ERRFI1: variants seen among roughly 807,000 people sequenced by gnomAD.
The protein encoded by ERRFI1 is mitogen-inducible gene 6 protein.
Under a neutral mutation model 14.6 loss-of-function variants are expected in ERRFI1, and 12 were observed. The ratio of observed to expected loss-of-function variants is 0.82; its 90% confidence interval spans 0.53 to 1.33. ERRFI1 has a LOEUF of 1.33. Ranked by LOEUF, ERRFI1 falls within the 40% of genes most tolerant of loss-of-function variation. The probability of loss-of-function intolerance (pLI) is 0.00; values close to 1 mark genes in which losing one functional copy is unlikely to be tolerated. For missense variants in ERRFI1, 482 were observed against 572.1 expected, an observed-to-expected ratio of 0.84 and a Z score of 1.61; for synonymous variants, 202 against 209.9, an observed-to-expected ratio of 0.96 and a Z score of 0.32.
Position 8,014,349 on chromosome 1 carries a change from T to C in ERRFI1, c.250A>G (p.Asn84Asp). Residue 84 changes from asparagine to aspartate, a missense_variant, in exon 4 of 4, where the codon AAT becomes GAT. Physicochemically the swap from Asn to Asp is conservative, Grantham distance 23 (BLOSUM62 1). Transcript: ENST00000377482. The stretch of plus-strand genomic sequence containing the variant: ...AAGCTGGACTTTTGAGATGGACCAT[T>C]TTCTGCAAAGCAGTGGCCATTCATC... ...APMNGHCFAE[N>D]GPSQKSSLPP... is the part of the protein sequence containing the mutation. 6.2e-7 allele frequency: 1 copy of C among 1,608,070 alleles called. No homozygotes were observed. Among genetic ancestry groups the C allele is most frequent in the Non-Finnish European group, 8.5e-7 (1 of 1,176,682 alleles).
chr1:8,012,867 C>T lies in ERRFI1; in HGVS notation c.*343G>A, dbSNP rs1331313135. 4.1e-5 allele frequency: 12 copies of T among 291,076 alleles called. No homozygotes were observed. The highest frequency in any genetic ancestry group is 1.7e-4 in the African/African-American group (8 of 47,058). The allele number at this position is 291,076 out of a possible 1,614,324, so 18.0% of individuals were successfully genotyped here. A position where few individuals can be genotyped will look rare whatever the true frequency, so the allele number is the denominator to read the frequency against. ...ATTATTCTGAATATATATTACTCTA[C>T]GATAGTAACTAATTGGTTAACCTGC... On this transcript the variant is annotated 3_prime_UTR_variant, in exon 4 of 4. Coordinates refer to ENST00000377482, the MANE Select transcript of ERRFI1 (RefSeq NM_018948.4).
At chr1:8,022,885 CT>C (rs1641292517) in intron 1 of ERRFI1, among the ~76,000 whole-genome samples, 2 of 152,128 alleles carry the variant, frequency 1.3e-5, no homozygotes. Context: ...TGGCTGCTGC[CT>C]GAAGAAGCCT....
Position 8,015,400 on chromosome 1 carries a change from G to A in ERRFI1, c.126-16C>T, listed in dbSNP as rs1217009914. The A allele has an allele frequency of 6.2e-7, 1 of 1,613,756 alleles. No individual in the cohort carries two copies. The highest frequency in any genetic ancestry group is 1.3e-5 in the African/African-American group (1 of 75,002). On this transcript the variant is annotated splice_polypyrimidine_tract_variant and intron_variant, in intron 2 of 3. Transcript: ENST00000377482. ...TAAAAAGTTGCTGAAAGGAGAGGAAGCTACTTTGGTCATAAGCGAAGAGCA... is the reference window on the plus strand; with the variant it reads ...TAAAAAGTTGCTGAAAGGAGAGGAAACTACTTTGGTCATAAGCGAAGAGCA...
At chr1:8,020,087 A>G (rs1056898463) in intron 1 of ERRFI1, among the ~76,000 whole-genome samples, 4 of 151,906 alleles carry the variant, frequency 2.6e-5, no homozygotes, top group African/African-American at 9.7e-5. Flanking sequence ...AAAAAAAAAA[A>G]AAAGAAAAAT....
Position 8,013,194 on chromosome 1 carries a change from A to T in ERRFI1, c.*16T>A, listed in dbSNP as rs571571563. On this transcript the variant is annotated 3_prime_UTR_variant, in exon 4 of 4. Coordinates refer to ENST00000377482, the MANE Select transcript of ERRFI1 (RefSeq NM_018948.4). The surrounding 1 kb of genome is among the most constrained non-coding windows in gnomAD (Gnocchi z 4.3). ...TTTGCTCCTATGTAACCTCTGCTGA[A>T]CCATGACCCCAAGGTCTAAGGAGAA... 1.6e-5 allele frequency: 26 copies of T among 1,580,014 alleles called. No homozygotes were observed. The highest frequency in any genetic ancestry group is 1.7e-5 in the Non-Finnish European group (20 of 1,164,192).
chr1:8,020,204 T>C lies in ERRFI1; in HGVS notation c.-73-4512A>G, dbSNP rs145555229. On this transcript the variant is annotated intron_variant, in intron 1 of 3. Coordinates refer to ENST00000377482, the MANE Select transcript of ERRFI1 (RefSeq NM_018948.4). ...GAGGAGGAGGGGCACATTTTTGTCA[T>C]ACAACTCATCCAGTTCTGCCCAGTG... Among the ~76,000 whole-genome samples, 675 of 152,286 alleles carry C rather than the reference T, an allele frequency of 4.4e-3. 6 individuals carry two copies. Among genetic ancestry groups the C allele is most frequent in the African/African-American group, 0.016 (648 of 41,564 alleles).
chr1:8,016,143 G>A (rs1641170989), intron 1 of ERRFI1, among the ~76,000 whole-genome samples: 1 of 152,158 alleles, frequency 6.6e-6, no homozygotes, highest in Non-Finnish European at 1.5e-5. Flanking sequence ...TTATGCTGTA[G>A]AACTAATACT....
intron 1 of ERRFI1, among the ~76,000 whole-genome samples, chr1:8,025,023 T>C (rs1641324379): frequency 6.6e-6 from 1 of 152,204 alleles, no homozygotes; most frequent in South Asian, 2.1e-4. Flanking sequence ...GGTTGAACAT[T>C]TGTTCTGGAA....
Position 8,014,403 on chromosome 1 carries a change from T to C in ERRFI1, c.203-7A>G. On this transcript the variant is annotated splice_region_variant and splice_polypyrimidine_tract_variant and intron_variant, in intron 3 of 3. Coordinates refer to ENST00000377482, the MANE Select transcript of ERRFI1 (RefSeq NM_018948.4). ...GCAGATTTGGAAGCATGCCCTGGAA[T>C]GAACGAGAGATATTAATAAAAGATC... is the stretch of plus-strand genomic sequence containing the variant. 1.9e-6 allele frequency: 3 copies of C among 1,550,666 alleles called. No individual in the cohort carries two copies. Among genetic ancestry groups the C allele is most frequent in the Non-Finnish European group, 2.6e-6 (3 of 1,150,042 alleles).
At chr1:8,023,531 G>A (rs1270686908) in intron 1 of ERRFI1, among the ~76,000 whole-genome samples, 3 of 152,002 alleles carry the variant, frequency 2.0e-5, no homozygotes, top group African/African-American at 7.3e-5. Flanking sequence ...TGCCCGCCTT[G>A]GCCTCCCAAA....
In ERRFI1 at chr1:8,026,284, A is replaced by C. The variant is rs950062931; in HGVS notation, c.-200T>G. 4.6e-5 allele frequency: 7 copies of C among 152,714 alleles called. No homozygotes were observed. Among genetic ancestry groups the C allele is most frequent in the Non-Finnish European group, 1.0e-4 (7 of 68,790 alleles). 9.5% of individuals were successfully genotyped at this position (152,714 alleles called of 1,614,324 possible). A position where few individuals can be genotyped will look rare whatever the true frequency, so the allele number is the denominator to read the frequency against. On this transcript the variant is annotated 5_prime_UTR_variant, in exon 1 of 4. Coordinates refer to ENST00000377482, the MANE Select transcript of ERRFI1 (RefSeq NM_018948.4). ...CTTGCTGGCTCGCGCTCCCGCTAGCACTCTGCCTCGCACCGGACCGCCGTC... is the reference window on the plus strand; with the variant it reads ...CTTGCTGGCTCGCGCTCCCGCTAGCCCTCTGCCTCGCACCGGACCGCCGTC...
At chr1:8,024,828 T>C (rs1641321899) in intron 1 of ERRFI1, among the ~76,000 whole-genome samples, 1 of 152,214 alleles carries the variant, frequency 6.6e-6, no homozygotes, top group African/African-American at 2.4e-5. Context: ...TTTGCAAAAT[T>C]TGATCATTTG....
rs1394823621 is a variant in ERRFI1 at position 8,012,962 on chromosome 1, C to T, written c.*248G>A. The T allele has an allele frequency of 4.1e-6, 2 of 490,154 alleles. No homozygotes were observed. Among genetic ancestry groups the T allele is most frequent in the South Asian group, 6.4e-5 (2 of 31,136 alleles). 30.4% of individuals were successfully genotyped at this position (490,154 alleles called of 1,614,324 possible). Reference sequence around the variant, plus strand: ...AATGTATGCATATATAAAAAGCTTCCCCATCCTCCCCTCCCCACCATCACA... The same window carrying T: ...AATGTATGCATATATAAAAAGCTTCTCCATCCTCCCCTCCCCACCATCACA... On this transcript the variant is annotated 3_prime_UTR_variant, in exon 4 of 4. Coordinates refer to ENST00000377482, the MANE Select transcript of ERRFI1 (RefSeq NM_018948.4).
chr1:8,018,170 A>AG (rs984664006), intron 1 of ERRFI1, among the ~76,000 whole-genome samples: 1 of 151,988 alleles, frequency 6.6e-6, no homozygotes, highest in South Asian at 2.1e-4. Flanking sequence ...ATGGGAGACG[A>AG]GGGGGGCAAT....
intron 1 of ERRFI1, among the ~76,000 whole-genome samples, chr1:8,019,850 G>A (rs1253777696): frequency 6.6e-6 from 1 of 152,040 alleles, no homozygotes; most frequent in African/African-American, 2.4e-5. Context: ...TTTCTAAACT[G>A]GTTTCTGTTA....
intron 1 of ERRFI1, among the ~76,000 whole-genome samples, chr1:8,024,289 G>A (rs1278997324): frequency 6.6e-6 from 1 of 152,160 alleles, no homozygotes; most frequent in Non-Finnish European, 1.5e-5. Context: ...AGAGTGACCA[G>A]TATATATTGT....
rs1363645614 is a variant in ERRFI1 at position 8,013,957 on chromosome 1, G to T, written c.642C>A (p.Thr214=). The T allele has an allele frequency of 2.5e-6, 4 of 1,613,980 alleles. No homozygotes were observed. Among genetic ancestry groups the T allele is most frequent in the Non-Finnish European group, 3.4e-6 (4 of 1,180,046 alleles). ...CGQINYAYFD[T]PAVSAADLSY... Reference sequence around the variant, plus strand: ...TGAGATCTGCTGCAGAAACAGCTGGGGTATCAAAATATGCATAGTTGATTT... The same window carrying T: ...TGAGATCTGCTGCAGAAACAGCTGGTGTATCAAAATATGCATAGTTGATTT... The change falls in exon 4 of 4, where the codon ACC becomes ACA. Residue 214 remains threonine (T), a synonymous_variant. Coordinates refer to ENST00000377482, the MANE Select transcript of ERRFI1 (RefSeq NM_018948.4). The surrounding 1 kb of genome is among the most constrained non-coding windows in gnomAD (Gnocchi z 4.3).
intron 1 of ERRFI1, among the ~76,000 whole-genome samples, chr1:8,017,839 G>A (rs906634518): frequency 2.0e-5 from 3 of 152,134 alleles, no homozygotes; most frequent in African/African-American, 7.2e-5. Flanking sequence ...CTAAATCTTA[G>A]CTTTCAACAG....
At position 8,014,091 on chromosome 1, in the gene ERRFI1, C is replaced by T. The variant is rs748264404; in HGVS notation, c.508G>A (p.Glu170Lys). The T allele has an allele frequency of 1.9e-6, 3 of 1,614,152 alleles. No homozygotes were observed. The Admixed American group carries it at 5.0e-5, about 27-fold the overall frequency. The change falls in exon 4 of 4, where the codon GAG becomes AAG. Residue 170 changes from glutamate (E) to lysine (K), a missense_variant. Physicochemically the swap from Glu to Lys is moderately conservative, Grantham distance 56. Coordinates refer to ENST00000377482, the MANE Select transcript of ERRFI1 (RefSeq NM_018948.4). Reference protein sequence around the residue: ...EALSLDDTDCEVEFLTSSDTD... With the variant: ...EALSLDDTDCKVEFLTSSDTD... The stretch of plus-strand genomic sequence containing the variant: ...TCTGAGCTAGTTAGGAATTCCACCT[C>T]ACAGTCTGTGTCATCCAGAGAGAGG...
Sources: allele counts gnomAD v4.1 joint callset (sites outside exome capture counted in the v4.1 genomes callset), GRCh38; gene constraint gnomAD v4.1.1; non-coding constraint Gnocchi (gnomAD v3.1); transcripts MANE v1.5; gene names NCBI Gene and HGNC (gene_info 2026-07-23, HGNC 2026-07-21).